MRPL3: variants seen among roughly 807,000 people sequenced by gnomAD.
MRPL3 encodes large ribosomal subunit protein uL3m.
A neutral mutation model predicts 44.3 loss-of-function variants in MRPL3; 43 were observed. That is an observed-to-expected ratio of 0.97 (90% CI 0.76 to 1.25). MRPL3 has a LOEUF of 1.25. Ranked by LOEUF, MRPL3 falls within the 50% of genes most tolerant of loss-of-function variation. The pLI, the probability that MRPL3 is intolerant of heterozygous loss-of-function variation, is 0.00. For synonymous variants in MRPL3, 171 were observed against 152.3 expected (o/e 1.12, Z -0.91); for missense variants, 406 against 427.6 (o/e 0.95, Z 0.45).
At chr3:131,493,560 G>T (rs1034228902) in intron 4 of MRPL3, among the ~76,000 whole-genome samples, 1 of 152,072 alleles carries the variant, frequency 6.6e-6, no homozygotes, top group Non-Finnish European at 1.5e-5. Flanking sequence ...TAAAGAAGTG[G>T]GCTAAACCAA....
chr3:131,502,709 G>A (rs1582724550), intron 1 of MRPL3, 21 bp downstream of exon 1: 3 of 1,592,966 alleles, frequency 1.9e-6, no homozygotes, highest in Non-Finnish European at 2.6e-6. Context: ...GTGCAGGTAG[G>A]ACACCCTCAC....
chr3:131,496,466 T>C (rs1031846857), intron 4 of MRPL3, among the ~76,000 whole-genome samples: 2 of 152,226 alleles, frequency 1.3e-5, no homozygotes, highest in East Asian at 3.9e-4. Flanking sequence ...AAATAAACCA[T>C]GTCACAGATT....
rs1325167229 is a variant in MRPL3 at position 131,486,536 on chromosome 3, C to T, written c.629+1144G>A. On this transcript the variant is annotated intron_variant, in intron 6 of 9. Coordinates refer to ENST00000264995, the MANE Select transcript of MRPL3 (RefSeq NM_007208.4). ...TATGTATACATGTGCCATGCTGGTG[C>T]GCTGGAAAATTTTTGTAATCTACCC... Among the ~76,000 whole-genome samples, 3 of 150,868 alleles carry T rather than the reference C, an allele frequency of 2.0e-5. No individual in the cohort carries two copies. In the East Asian group the frequency reaches 5.8e-4, roughly 29 times the overall value.
intron 6 of MRPL3, among the ~76,000 whole-genome samples, chr3:131,477,342 T>C (rs1349324522): frequency 6.6e-6 from 1 of 152,146 alleles, no homozygotes; most frequent in Non-Finnish European, 1.5e-5. Flanking sequence ...CTACCTTCTT[T>C]TCCCTTCATA....
Position 131,469,700 on chromosome 3 carries a change from A to C in MRPL3, c.812T>G (p.Leu271Arg), listed in dbSNP as rs780032331. ...AGAACCACTTGTAACACTTACTTTC[A>C]GTCCATATTCTGTCCTGTATATGTT... The part of the protein sequence containing the change: ...MGNIYRTEYG[L>R]KVWRINTKHN... The change falls in exon 8 of 10, where the codon CTG becomes CGG. Residue 271 changes from leucine (L) to arginine (R), a missense_variant. Coordinates refer to ENST00000264995, the MANE Select transcript of MRPL3 (RefSeq NM_007208.4). The C allele has an allele frequency of 1.4e-5, 23 of 1,607,632 alleles. No individual in the cohort carries two copies. Among genetic ancestry groups the C allele is most frequent in the Non-Finnish European group, 2.0e-5 (23 of 1,176,058 alleles).
chr3:131,497,204 T>C (rs1245219504), intron 4 of MRPL3, among the ~76,000 whole-genome samples: 1 of 152,234 alleles, frequency 6.6e-6, no homozygotes, highest in African/African-American at 2.4e-5. Flanking sequence ...CACAGTTAAG[T>C]AAGGCTCTGG....
intron 6 of MRPL3, among the ~76,000 whole-genome samples, chr3:131,484,485 C>T (rs1934068591): frequency 6.6e-6 from 1 of 152,106 alleles, no homozygotes; most frequent in Non-Finnish European, 1.5e-5. Flanking sequence ...ATATTGTTCC[C>T]CTAGTGTTCA....
chr3:131,486,393 C>CAAAAAAAAAA (rs1314965958), intron 6 of MRPL3, among the ~76,000 whole-genome samples: 1 of 88,910 alleles, frequency 1.1e-5, no homozygotes, highest in African/African-American at 4.6e-5. Flanking sequence ...AAAAAAAAAC[C>CAAAAAAAAAA]AAAAAAAACT....
chr3:131,464,001 TATTAA>T lies in MRPL3; in HGVS notation c.895-1131_895-1127del, dbSNP rs1409466406. Among the ~76,000 whole-genome samples, 5 of 152,240 alleles carry T rather than the reference TATTAA, an allele frequency of 3.3e-5. No individual in the cohort carries two copies. In the East Asian group the frequency reaches 7.7e-4, roughly 23 times the overall value. On this transcript the variant is annotated intron_variant, in intron 9 of 9. Coordinates refer to ENST00000264995, the MANE Select transcript of MRPL3 (RefSeq NM_007208.4). The stretch of plus-strand genomic sequence containing the variant: ...AAAACAGATCTACTTTAATCCCTCT[TATTAA>T]AATTGTTTCAAGAAATTATCAGTAA...
At chr3:131,470,753 T>C (rs1168705417) in intron 7 of MRPL3, among the ~76,000 whole-genome samples, 1 of 152,100 alleles carries the variant, frequency 6.6e-6, no homozygotes, top group Non-Finnish European at 1.5e-5. Flanking sequence ...TCATTTTAAT[T>C]TTCCCATTTT....
At chr3:131,479,078 T>C (rs1933918933) in intron 6 of MRPL3, 2 of 495,968 alleles carry the variant, frequency 4.0e-6, no homozygotes, top group Admixed American at 2.2e-5. Flanking sequence ...CAAATTAAGT[T>C]TTCTTTTTTT....
chr3:131,471,061 C>T (rs985864883), intron 7 of MRPL3, 110 bp downstream of exon 7: 2 of 722,984 alleles, frequency 2.8e-6, no homozygotes, highest in African/African-American at 1.8e-5. Context: ...ACATGGAGTC[C>T]CCTTGTGTCA....
chr3:131,477,216 T>C (rs1002791669), intron 6 of MRPL3, among the ~76,000 whole-genome samples: 2 of 152,224 alleles, frequency 1.3e-5, no homozygotes, highest in African/African-American at 4.8e-5. Flanking sequence ...GAAATGTCCA[T>C]AAGGTGAAGA....
chr3:131,474,411 T>G lies in MRPL3; in HGVS notation c.630-3132A>C, dbSNP rs145657152. On this transcript the variant is annotated intron_variant, in intron 6 of 9. Transcript: ENST00000264995. ...ACTGGGGAGAGGATGGGGATGGGAA[T>G]GAGGAGGATGGGGAGAGGTTGGTTA... Among the ~76,000 whole-genome samples the G allele has an allele frequency of 2.6e-4, 40 of 152,152 alleles. No individual in the cohort carries two copies. In the East Asian group the frequency reaches 7.7e-3, roughly 29 times the overall value.
intron 6 of MRPL3, among the ~76,000 whole-genome samples, chr3:131,486,481 T>C (rs7651405): frequency 0.039 from 5,734 of 147,190 alleles, 373 homozygotes; most frequent in African/African-American, 0.14. Context: ...AGTTTTAGGG[T>C]ACATGTGCAC....
chr3:131,499,661 T>G (rs570856758), intron 3 of MRPL3, among the ~76,000 whole-genome samples: 1 of 152,256 alleles, frequency 6.6e-6, no homozygotes, highest in African/African-American at 2.4e-5. Flanking sequence ...TGCCTAAGAC[T>G]AAGCCCCAAG....
intron 3 of MRPL3, among the ~76,000 whole-genome samples, chr3:131,499,729 T>TATA (rs35694649): frequency 0.1 from 15,410 of 150,546 alleles, 1,591 homozygotes; most frequent in African/African-American, 0.27. Flanking sequence ...AGTATCTTTC[T>TATA]ATAATAATAA....
At chr3:131,469,844 G>T in intron 7 of MRPL3, 71 bp from the exon 8 acceptor site, 1 of 912,038 alleles carries the variant, frequency 1.1e-6, no homozygotes, top group Non-Finnish European at 1.7e-6. Flanking sequence ...AAACCACAAT[G>T]TAAACTAAAA....
intron 4 of MRPL3, among the ~76,000 whole-genome samples, chr3:131,492,677 T>C (rs1261952630): frequency 2.6e-5 from 4 of 152,160 alleles, no homozygotes; most frequent in Non-Finnish European, 5.9e-5. Flanking sequence ...CAGAGCAGTC[T>C]ACAGCCCAGG....
Sources: gnomAD v4.1 joint callset for allele counts (sites outside exome capture counted in the v4.1 genomes callset) on GRCh38, gnomAD v4.1.1 for gene constraint, MANE v1.5 for transcripts, NCBI Gene and HGNC (gene_info 2026-07-23, HGNC 2026-07-21) for gene names.